The following RNF213 variants were observed in gnomAD, a reference collection of about 807,000 sequenced individuals.
The protein encoded by RNF213 is ring finger protein 213.
A neutral mutation model predicts 514.4 loss-of-function variants in RNF213; 341 were observed. The observed-to-expected ratio is 0.66, with a 90% CI of 0.61 to 0.73. The LOEUF is 0.73. RNF213 is among the 30% of genes least tolerant of loss of function. RNF213 has a pLI of 0.00. For missense variants in RNF213, 5,767 were observed against 6,615.6 expected (o/e 0.87, Z 4.45); for synonymous variants, 2,655 against 2,658.2 (o/e 1.00, Z 0.04).
At position 80,348,063 on chromosome 17, in the gene RNF213, C is replaced by T. The variant is rs576448677; in HGVS notation, c.9728C>T (p.Thr3243Met). The T allele has an allele frequency of 9.9e-5, 159 of 1,614,158 alleles. No individual in the cohort carries two copies. Among genetic ancestry groups the T allele is most frequent in the South Asian group, 6.7e-4 (61 of 91,086 alleles). ...VIERQGPRAL[T>M]EELHQKVSEE... The stretch of plus-strand genomic sequence containing the variant: ...GAGAGGCAGGGTCCCCGGGCCTTGA[C>T]GGAGGAACTTCACCAGAAGGTGTCT... Residue 3243 changes from threonine (T) to methionine (M), a missense_variant, in exon 29 of 68, where the codon ACG becomes ATG. By Grantham distance (81) the Thr-to-Met change is moderately conservative. Transcript: ENST00000582970.
chr17:80,377,845 G>C lies in RNF213; in HGVS notation c.13545+49G>C, dbSNP rs1449283793. Reference sequence around the variant, plus strand: ...GGTTTGAGGGGTGGCGTGCACTCCTGGGTTGGAGGAGGGGGATCGTGGGTC... The same window carrying C: ...GGTTTGAGGGGTGGCGTGCACTCCTCGGTTGGAGGAGGGGGATCGTGGGTC... On this transcript the variant is annotated intron_variant, in intron 54 of 67. Transcript: ENST00000582970. The surrounding 1 kb of genome is among the most constrained non-coding windows in gnomAD (Gnocchi z 4.1). 6.2e-7 allele frequency: 1 copy of C among 1,603,338 alleles called. No homozygotes were observed. Among genetic ancestry groups the C allele is most frequent in the African/African-American group, 1.3e-5 (1 of 74,686 alleles).
At chr17:80,339,070 G>C in intron 25 of RNF213, 131 bp from the exon 26 acceptor site, 2 of 548,764 alleles carry the variant, frequency 3.6e-6, no homozygotes, top group Non-Finnish European at 5.8e-6. Context: ...GGGAGGCCTT[G>C]TGAGCGCAGA....
chr17:80,379,406 T>C (rs763539118), intron 54 of RNF213: 2 of 590,158 alleles, frequency 3.4e-6, no homozygotes, highest in Non-Finnish European at 6.2e-6. Context: ...GTCTCACTTA[T>C]TTAAAAAACA....
At chr17:80,270,999 C>T (rs985743974) in intron 2 of RNF213, among the ~76,000 whole-genome samples, 1 of 152,130 alleles carries the variant, frequency 6.6e-6, no homozygotes, top group East Asian at 1.9e-4. Flanking sequence ...AGTATGGATG[C>T]TTCCATACTT....
intron 3 of RNF213, among the ~76,000 whole-genome samples, chr17:80,283,199 C>T (rs987791559): frequency 6.6e-6 from 1 of 152,126 alleles, no homozygotes; most frequent in East Asian, 1.9e-4. Context: ...GCACTGGCAG[C>T]ACAGGGCGCC....
chr17:80,393,425 A>C lies in RNF213; in HGVS notation c.15551A>C (p.Glu5184Ala), dbSNP rs61429875. The C allele has an allele frequency of 0.011, 17,871 of 1,614,168 alleles. 1,700 individuals carry two copies. In the African/African-American group the frequency reaches 0.21, roughly 19 times the overall value. ...LPEMASQFPE[E>A]ILLASCVSVW... ...GAAATGGCATCTCAGTTCCCAGAAG[A>C]GATACTGCTCGCCAGCTGTGTCTCA... The change falls in exon 68 of 68, where the codon GAG becomes GCG. Residue 5184 changes from glutamate (E) to alanine (A), a missense_variant. Around this residue, in one of 13 missense-constraint regions of RNF213, gnomAD observed 1,245 missense variants for 1,339.0 expected, o/e 0.93. Transcript: ENST00000582970.
chr17:80,353,846 C>A lies in RNF213; in HGVS notation c.10579-173C>A. 8.4e-7 allele frequency: 1 copy of A among 1,191,256 alleles called. No homozygotes were observed. The highest frequency in any genetic ancestry group is 1.5e-5 in the African/African-American group (1 of 66,594). The allele number at this position is 1,191,256 out of a possible 1,614,324, so 73.8% of individuals were successfully genotyped here. A position where few individuals can be genotyped will look rare whatever the true frequency, so the allele number is the denominator to read the frequency against. ...GCTGGTTACTGGGGGTCAAGGGCAT[C>A]TGCACCGGCAGTTTGGGGGGTGCAG... On this transcript the variant is annotated intron_variant, in intron 34 of 67. Transcript: ENST00000582970. The surrounding 1 kb of genome is among the most constrained non-coding windows in gnomAD (Gnocchi z 5.0).
rs754678197 is a variant in RNF213 at position 80,288,584 on chromosome 17, C to T, written c.811-49C>T. The T allele has an allele frequency of 1.2e-6, 2 of 1,613,960 alleles. No individual in the cohort carries two copies. Among genetic ancestry groups the T allele is most frequent in the Non-Finnish European group, 1.7e-6 (2 of 1,180,032 alleles). ...GCCCCTTAAACCATTGAGTCGGAGT[C>T]ACCCTGGCCCATTTTGTCACCTTGG... On this transcript the variant is annotated intron_variant, in intron 4 of 67. Coordinates refer to ENST00000582970, the MANE Select transcript of RNF213 (RefSeq NM_001256071.3). The surrounding 1 kb of genome is among the most constrained non-coding windows in gnomAD (Gnocchi z 4.9).
chr17:80,298,849 T>C (rs554920464), intron 11 of RNF213: 395 of 321,674 alleles, frequency 1.2e-3, no homozygotes, highest in Admixed American at 3.7e-3. Context: ...TGTGGTGGCA[T>C]GTGCTTGTAA....
intron 6 of RNF213, 146 bp from the exon 7 acceptor site, chr17:80,290,424 A>AGTGTGCGCGT (rs1416628046): frequency 3.4e-6 from 3 of 887,886 alleles, no homozygotes; most frequent in Non-Finnish European, 5.4e-6. Context: ...CGTGTGTGCG[A>AGTGTGCGCGT]GTGTGCGCGT....
intron 18 of RNF213, among the ~76,000 whole-genome samples, chr17:80,325,668 C>CG (rs1472302573): frequency 5.0e-5 from 4 of 79,856 alleles, no homozygotes; most frequent in African/African-American, 3.5e-4. Context: ...ACTGTGCTGT[C>CG]TGATTTCCCC....
chr17:80,336,695 CT>C (rs1290019221), intron 23 of RNF213: 2 of 363,110 alleles, frequency 5.5e-6, no homozygotes, highest in East Asian at 1.4e-4. Context: ...TATTCTGTTA[CT>C]TTTTGTTATT....
At chr17:80,300,242 G>A (rs577010400) in intron 11 of RNF213, among the ~76,000 whole-genome samples, 186 of 151,806 alleles carry the variant, frequency 1.2e-3, no homozygotes, top group African/African-American at 4.4e-3. Context: ...CAGCCATTCT[G>A]ACTGGTGTTA....
At chr17:80,281,476 AC>A (rs1268228446) in intron 3 of RNF213, among the ~76,000 whole-genome samples, 12 of 56,152 alleles carry the variant, frequency 2.1e-4, no homozygotes, top group East Asian at 6.6e-4. Flanking sequence ...ACACTCACAC[AC>A]CCCCCAACAT....
Position 80,347,370 on chromosome 17 carries a change from T to G in RNF213, c.9035T>G (p.Val3012Gly). 3 of 1,613,906 alleles carry G rather than the reference T, an allele frequency of 1.9e-6. No homozygotes were observed. Among genetic ancestry groups the G allele is most frequent in the Non-Finnish European group, 2.5e-6 (3 of 1,180,026 alleles). Residue 3012 changes from valine to glycine, a missense_variant, in exon 29 of 68, where the codon GTC becomes GGC. This residue lies in a region of RNF213 where 919 missense variants were observed against 1,121.0 expected (regional missense o/e 0.82). Coordinates refer to ENST00000582970, the MANE Select transcript of RNF213 (RefSeq NM_001256071.3). This position sits in a 1 kb window ranked among gnomAD's most constrained non-coding sequence, Gnocchi z 7.2. The part of the protein sequence containing the change: ...NLPEAKCSEE[V>G]SPMQLIKQNI... Reference sequence around the variant, plus strand: ...CCCGAGGCCAAGTGCTCAGAGGAAGTCAGCCCCATGCAGCTGATCAAACAG... The same window carrying G: ...CCCGAGGCCAAGTGCTCAGAGGAAGGCAGCCCCATGCAGCTGATCAAACAG...
rs538844953 is a variant in RNF213, at chr17:80,268,586, C to T, written c.98-4655C>T. Among the ~76,000 whole-genome samples the T allele has an allele frequency of 2.7e-5, 4 of 150,938 alleles. No homozygotes were observed. In the South Asian group the frequency reaches 8.7e-4, roughly 33 times the overall value. Reference sequence around the variant, plus strand: ...GTCGTGTGAGCCAATTCTCCTAATACATCCTCTCTCATCCATCTGTTTGTC... The same window carrying T: ...GTCGTGTGAGCCAATTCTCCTAATATATCCTCTCTCATCCATCTGTTTGTC... On this transcript the variant is annotated intron_variant, in intron 2 of 67. Coordinates refer to ENST00000582970, the MANE Select transcript of RNF213 (RefSeq NM_001256071.3).
In RNF213 at chr17:80,345,073, C is replaced by T. The variant is rs1568101510; in HGVS notation, c.6738C>T (p.Gly2246=). ...GTTTTATTGGCGACACACTGAGGGG[C>T]TTCAAGAAGTTCGTGGTGACCTTCA... is the stretch of plus-strand genomic sequence containing the variant. The part of the protein sequence containing the change: ...NPSFIGDTLR[G]FKKFVVTFMI... Residue 2246 remains glycine (G), a synonymous_variant, in exon 29 of 68, where the codon GGC becomes GGT. Transcript: ENST00000582970. This position sits in a 1 kb window ranked among gnomAD's most constrained non-coding sequence, Gnocchi z 6.0. 6.2e-7 allele frequency: 1 copy of T among 1,613,994 alleles called. No homozygotes were observed. The highest frequency in any genetic ancestry group is 1.7e-5 in the Admixed American group (1 of 59,982).
chr17:80,339,824 T>C lies in RNF213; in HGVS notation c.5457T>C (p.Arg1819=), dbSNP rs1307574610. The C allele has an allele frequency of 5.2e-6, 8 of 1,534,852 alleles. No individual in the cohort carries two copies. The change falls in exon 26 of 68, where the codon CGT becomes CGC. Residue 1819 remains arginine (R), a synonymous_variant. Transcript: ENST00000582970. ...LAGMGGSPVE[R]CLPRGLQVGQ... ...GGATGGGTGGGTCTCCCGTGGAGCG[T>C]TGTCTCCCGAGAGGTCTGCAGGTCG...
intron 26 of RNF213, chr17:80,341,349 C>T (rs1340355598): frequency 1.3e-5 from 2 of 152,170 alleles, no homozygotes; most frequent in Non-Finnish European, 2.9e-5. Context: ...CTTGACCCAC[C>T]CTTCGTTTGC....
Sources: allele counts gnomAD v4.1 joint callset (sites outside exome capture counted in the v4.1 genomes callset), GRCh38; gene constraint gnomAD v4.1.1; regional missense constraint gnomAD v4.1.1; non-coding constraint Gnocchi (gnomAD v3.1); transcripts MANE v1.5; gene names NCBI Gene and HGNC (gene_info 2026-07-23, HGNC 2026-07-21).